The following CALHM1 variants were observed in gnomAD, a reference collection of about 807,000 sequenced individuals.
CALHM1 encodes calcium homeostasis modulator 1.
In CALHM1, 11 loss-of-function variants were observed where a neutral mutation model predicts 14.8. That is an observed-to-expected ratio of 0.74 (90% CI 0.47 to 1.23). The LOEUF is 1.23. CALHM1 is among the 50% of genes most tolerant of loss of function. The probability of loss-of-function intolerance (pLI) is 0.00; values close to 1 mark genes in which losing one functional copy is unlikely to be tolerated. For missense variants in CALHM1, 458 were observed against 496.4 expected, an observed-to-expected ratio of 0.92 and a Z score of 0.74; for synonymous variants, 215 against 218.9, an observed-to-expected ratio of 0.98 and a Z score of 0.16.
chr10:103,458,690 T>C lies in CALHM1; in HGVS notation c.62A>G (p.Asn21Ser), dbSNP rs747272052. 2.5e-6 allele frequency: 4 copies of C among 1,614,066 alleles called. No individual in the cohort carries two copies. Among genetic ancestry groups the C allele is most frequent in the Non-Finnish European group, 3.4e-6 (4 of 1,180,012 alleles). ...CAGGGCCATGATGCCACAGATGCCA[T>C]TCATGAAGGACTCCTGGTTGGACTG... Reference protein sequence around the residue: ...FLQSNQESFMNGICGIMALAS... With the variant: ...FLQSNQESFMSGICGIMALAS... Residue 21 changes from asparagine to serine, a missense_variant, in exon 1 of 2, where the codon AAT becomes AGT. Asn to Ser is a conservative substitution (Grantham distance 46). Coordinates refer to ENST00000329905, the MANE Select transcript of CALHM1 (RefSeq NM_001001412.4). This position sits in a 1 kb window ranked among gnomAD's most constrained non-coding sequence, Gnocchi z 4.9.
At chr10:103,456,620 G>A (rs1353246365) in intron 1 of CALHM1, among the ~76,000 whole-genome samples, 1 of 152,188 alleles carries the variant, frequency 6.6e-6, no homozygotes, top group African/African-American at 2.4e-5. Flanking sequence ...ATGGGGCCAG[G>A]CAGGTCGTGA....
intron 1 of CALHM1, 117 bp from the exon 2 acceptor site, chr10:103,455,864 G>T: frequency 1.5e-6 from 2 of 1,307,884 alleles, no homozygotes; most frequent in Non-Finnish European, 2.0e-6. Flanking sequence ...AATTGGGCAA[G>T]TGAGCTTGCC....
chr10:103,455,177 A>G lies in CALHM1; in HGVS notation c.*85T>C, dbSNP rs901850896. 100 of 1,475,290 alleles carry G rather than the reference A, an allele frequency of 6.8e-5. No homozygotes were observed. Among genetic ancestry groups the G allele is most frequent in the Non-Finnish European group, 7.9e-5 (88 of 1,112,234 alleles). The allele number at this position is 1,475,290 out of a possible 1,614,324, so 91.4% of individuals were successfully genotyped here. On this transcript the variant is annotated 3_prime_UTR_variant, in exon 2 of 2. Coordinates refer to ENST00000329905, the MANE Select transcript of CALHM1 (RefSeq NM_001001412.4). The stretch of plus-strand genomic sequence containing the variant: ...CCTAGGGGAGTACTGCCCAGCACTG[A>G]AACCCTTCCTTTTTCCACCTGGTTT...
rs147103319 is a variant in CALHM1 at position 103,455,607 on chromosome 10, G to A, written c.696C>T (p.Asp232=). The A allele has an allele frequency of 1.9e-5, 30 of 1,613,970 alleles. No homozygotes were observed. In the South Asian group the frequency reaches 2.0e-4, roughly 11 times the overall value. The stretch of plus-strand genomic sequence containing the variant: ...CTTTGGCGTGCTCCGTGCACGTCTC[G>A]TCGAAGAGCTTGCGCTCGATGTCGA... ...HYIDIERKLF[D]ETCTEHAKAF... The change falls in exon 2 of 2, where the codon GAC becomes GAT. Residue 232 remains aspartate (D), a synonymous_variant. Coordinates refer to ENST00000329905, the MANE Select transcript of CALHM1 (RefSeq NM_001001412.4).
chr10:103,458,766 C>T lies in CALHM1; in HGVS notation c.-15G>A. The stretch of plus-strand genomic sequence containing the variant: ...TTGTCCATCATGCCCGCTGTGGGGC[C>T]CGGCCTCCTCTTCCCAACTCACTGC... On this transcript the variant is annotated 5_prime_UTR_variant, in exon 1 of 2. Transcript: ENST00000329905. The surrounding 1 kb of genome is among the most constrained non-coding windows in gnomAD (Gnocchi z 4.9). The T allele has an allele frequency of 6.3e-7, 1 of 1,584,798 alleles. No individual in the cohort carries two copies. The highest frequency in any genetic ancestry group is 8.6e-7 in the Non-Finnish European group (1 of 1,166,350).
chr10:103,455,627 T>C lies in CALHM1; in HGVS notation c.676A>G (p.Ile226Val). 1 of 1,613,868 alleles carries C rather than the reference T, an allele frequency of 6.2e-7. No individual in the cohort carries two copies. Among genetic ancestry groups the C allele is most frequent in the South Asian group, 1.1e-5 (1 of 91,092 alleles). ...GTCTCGTCGAAGAGCTTGCGCTCGATGTCGATATAGTGGGACCAGTACTTG... is the reference window on the plus strand; with the variant it reads ...GTCTCGTCGAAGAGCTTGCGCTCGACGTCGATATAGTGGGACCAGTACTTG... ...KSKYWSHYIDIERKLFDETCT... is the reference protein window; with the variant it reads ...KSKYWSHYIDVERKLFDETCT... Residue 226 changes from isoleucine to valine, a missense_variant, in exon 2 of 2, where the codon ATC (isoleucine) becomes GTC (valine). Coordinates refer to ENST00000329905, the MANE Select transcript of CALHM1 (RefSeq NM_001001412.4).
intron 1 of CALHM1, among the ~76,000 whole-genome samples, 200 bp from the exon 2 acceptor site, chr10:103,455,947 AAAG>A (rs1314766009): frequency 6.6e-6 from 1 of 152,244 alleles, no homozygotes; most frequent in African/African-American, 2.4e-5. Flanking sequence ...CACCTCATGG[AAAG>A]AAGATCACGT....
At position 103,455,708 on chromosome 10, in the gene CALHM1, C is replaced by A. The variant is rs1367353128; in HGVS notation, c.595G>T (p.Ala199Ser). The part of the protein sequence containing the change: ...WSFVLLTTLL[A>S]FVVRSVRPCF... ...GGCCGCACAGAGCGCACCACGAATG[C>A]CAGCAGAGTGGTCAGCAGCACGAAG... Residue 199 changes from alanine to serine, a missense_variant, in exon 2 of 2, where the codon GCA becomes TCA. Coordinates refer to ENST00000329905, the MANE Select transcript of CALHM1 (RefSeq NM_001001412.4). The A allele has an allele frequency of 1.2e-6, 2 of 1,612,956 alleles. No individual in the cohort carries two copies. The highest frequency in any genetic ancestry group is 4.5e-5 in the East Asian group (2 of 44,902).
rs760942799 is a variant in CALHM1, at chr10:103,455,601, C to T, written c.702G>A (p.Thr234=). 16 of 1,613,862 alleles carry T rather than the reference C, an allele frequency of 9.9e-6. No individual in the cohort carries two copies. Among genetic ancestry groups the T allele is most frequent in the African/African-American group, 5.3e-5 (4 of 74,956 alleles). ...IDIERKLFDE[T]CTEHAKAFAK... is the part of the protein sequence containing the mutation. ...CAAAGGCTTTGGCGTGCTCCGTGCACGTCTCGTCGAAGAGCTTGCGCTCGA... is the reference window on the plus strand; with the variant it reads ...CAAAGGCTTTGGCGTGCTCCGTGCATGTCTCGTCGAAGAGCTTGCGCTCGA... The change falls in exon 2 of 2, where the codon ACG becomes ACA. Residue 234 remains threonine, a synonymous_variant. Transcript: ENST00000329905.
rs1171277747 is a variant in CALHM1, at chr10:103,453,576, T to C, written c.*1686A>G. On this transcript the variant is annotated 3_prime_UTR_variant, in exon 2 of 2. Transcript: ENST00000329905. ...CCGCCTGGCCAAGCAGGTCTTCTAA[T>C]ATCCATTTTATAGACAGACACACTG... The C allele has an allele frequency of 6.6e-6, 1 of 152,112 alleles. No individual in the cohort carries two copies. The highest frequency in any genetic ancestry group is 2.4e-5 in the African/African-American group (1 of 41,398). The allele number at this position is 152,112 out of a possible 1,614,324, so 9.4% of individuals were successfully genotyped here.
Position 103,458,724 on chromosome 10 carries a change from G to A in CALHM1, c.28C>T (p.Gln10Ter). 1 of 1,613,086 alleles carries A rather than the reference G, an allele frequency of 6.2e-7. No individual in the cohort carries two copies. The highest frequency in any genetic ancestry group is 8.5e-7 in the Non-Finnish European group (1 of 1,179,376). The part of the protein sequence containing the change: MMDKFRMIF[Q>*]FLQSNQESFM... The stretch of plus-strand genomic sequence containing the variant: ...GACTCCTGGTTGGACTGCAGGAACT[G>A]GAAGATCATCCGGAACTTGTCCATC... Residue 10 changes from glutamine (Q) to a stop codon, truncating the protein, a stop_gained, in exon 1 of 2, where the codon CAG (glutamine) becomes TAG (stop). Transcript: ENST00000329905. LOFTEE classifies it high-confidence loss of function. The surrounding 1 kb of genome is among the most constrained non-coding windows in gnomAD (Gnocchi z 4.9).
chr10:103,455,869 C>T, intron 1 of CALHM1, 122 bp from the exon 2 acceptor site: 1 of 1,231,330 alleles, frequency 8.1e-7, no homozygotes, highest in East Asian at 2.5e-5. Context: ...GGCAAGTGAG[C>T]TTGCCTCTTG....
At position 103,455,354 on chromosome 10, in the gene CALHM1, G is replaced by A. The variant is rs2033132357; in HGVS notation, c.949C>T (p.Gln317Ter). 1 of 1,613,580 alleles carries A rather than the reference G, an allele frequency of 6.2e-7. No homozygotes were observed. The highest frequency in any genetic ancestry group is 8.5e-7 in the Non-Finnish European group (1 of 1,179,988). ...TTGCCCATCAGCGGTGGCTCCTCCTGGCCCAGCCGCAGAGGCGGTTTGCAT... is the reference window on the plus strand; with the variant it reads ...TTGCCCATCAGCGGTGGCTCCTCCTAGCCCAGCCGCAGAGGCGGTTTGCAT... ...HKCKPPLRLGQEEPPLMGNGW... is the reference protein window; with the variant it reads ...HKCKPPLRLG The change falls in exon 2 of 2, where the codon CAG (glutamine) becomes TAG (stop). Residue 317 changes from glutamine to a stop codon, truncating the protein, a stop_gained. Transcript: ENST00000329905. LOFTEE classifies it high-confidence loss of function.
At chr10:103,457,711 C>T (rs553722445) in intron 1 of CALHM1, among the ~76,000 whole-genome samples, 2 of 152,294 alleles carry the variant, frequency 1.3e-5, no homozygotes, top group Non-Finnish European at 2.9e-5. Context: ...TCCATCACAT[C>T]CCAACAGGGC....
rs535918074 is a variant in CALHM1 at position 103,454,510 on chromosome 10, T to C, written c.*752A>G. 5.9e-5 allele frequency: 9 copies of C among 152,338 alleles called. No homozygotes were observed. In the South Asian group the frequency reaches 1.0e-3, roughly 18 times the overall value. The allele number at this position is 152,338 out of a possible 1,614,324, so 9.4% of individuals were successfully genotyped here. A position where few individuals can be genotyped will look rare whatever the true frequency, so the allele number is the denominator to read the frequency against. The stretch of plus-strand genomic sequence containing the variant: ...TCTCAAGCCTTGGGGATGGTCTGAT[T>C]TCCCCTGGAGACCTGGATGTGACGG... On this transcript the variant is annotated 3_prime_UTR_variant, in exon 2 of 2. Transcript: ENST00000329905.
At position 103,457,630 on chromosome 10, in the gene CALHM1, A is replaced by C. The variant is rs570851433; in HGVS notation, c.555+567T>G. Among the ~76,000 whole-genome samples, 8 of 152,310 alleles carry C rather than the reference A, an allele frequency of 5.3e-5. No individual in the cohort carries two copies. In the Middle Eastern group the frequency reaches 0.027, roughly 518 times the overall value. Reference sequence around the variant, plus strand: ...TGGATGGGTGAGCATGGAGGGGCAGAGGATGTGGGAGTAGGGCTGGGGAGG... The same window carrying C: ...TGGATGGGTGAGCATGGAGGGGCAGCGGATGTGGGAGTAGGGCTGGGGAGG... On this transcript the variant is annotated intron_variant, in intron 1 of 1. Transcript: ENST00000329905.
At position 103,455,242 on chromosome 10, in the gene CALHM1, C is replaced by G; in HGVS notation, c.*20G>C. On this transcript the variant is annotated 3_prime_UTR_variant, in exon 2 of 2. Coordinates refer to ENST00000329905, the MANE Select transcript of CALHM1 (RefSeq NM_001001412.4). ...CTGTGGGCTCAGATCCCCGTTCCTG[C>G]CTCTTCAGCTGGCCACACCTCACAC... 1 of 1,560,620 alleles carries G rather than the reference C, an allele frequency of 6.4e-7. No individual in the cohort carries two copies. The highest frequency in any genetic ancestry group is 1.2e-5 in the South Asian group (1 of 83,510).
At chr10:103,455,840 G>A in intron 1 of CALHM1, 93 bp from the exon 2 acceptor site, 2 of 1,446,364 alleles carry the variant, frequency 1.4e-6, no homozygotes, top group Non-Finnish European at 1.8e-6. Context: ...AGTGCCTCTA[G>A]GGCAAAGAGC....
chr10:103,458,140 C>G lies in CALHM1; in HGVS notation c.555+57G>C, dbSNP rs761749940. The G allele has an allele frequency of 3.8e-6, 6 of 1,594,486 alleles. No individual in the cohort carries two copies. Among genetic ancestry groups the G allele is most frequent in the South Asian group, 1.1e-5 (1 of 90,086 alleles). On this transcript the variant is annotated intron_variant, in intron 1 of 1. Coordinates refer to ENST00000329905, the MANE Select transcript of CALHM1 (RefSeq NM_001001412.4). The surrounding 1 kb of genome is among the most constrained non-coding windows in gnomAD (Gnocchi z 4.9). ...TTGAGAGGTAGGGGGATAGGGCCCT[C>G]CCAGAGGGACCTTGATCTGCCAGGG... is the stretch of plus-strand genomic sequence containing the variant.
Sources: allele counts gnomAD v4.1 joint callset (sites outside exome capture counted in the v4.1 genomes callset), GRCh38; gene constraint gnomAD v4.1.1; non-coding constraint Gnocchi (gnomAD v3.1); transcripts MANE v1.5; gene names NCBI Gene and HGNC (gene_info 2026-07-23, HGNC 2026-07-21).